Variants in LMO7 observed in about 807,000 individuals in gnomAD.
The protein encoded by LMO7 is LIM domain 7.
A neutral mutation model predicts 206.5 loss-of-function variants in LMO7; 120 were observed. That is an observed-to-expected ratio of 0.58 (90% CI 0.50 to 0.68). LMO7 has a LOEUF of 0.68. Ranked by LOEUF, LMO7 falls within the 30% of genes least tolerant of loss-of-function variation. LMO7 has a pLI of 0.00. For synonymous variants in LMO7, 706 were observed against 681.5 expected (o/e 1.04, Z -0.56); for missense variants, 1,959 against 1,957.9 (o/e 1.00, Z -0.01).
At chr13:75,635,028 C>CAAAAAAAAAA (rs984451343), upstream of LMO7, among the ~76,000 whole-genome samples, 33 of 135,688 alleles carry the variant, frequency 2.4e-4, no homozygotes, top group African/African-American at 8.3e-4. Flanking sequence ...CAAAACAAAA[C>CAAAAAAAAAA]AAAACAAAAC....
chr13:75,788,586 G>A (rs1346392783), intron 4 of LMO7, among the ~76,000 whole-genome samples: 1 of 151,984 alleles, frequency 6.6e-6, no homozygotes, highest in Non-Finnish European at 1.5e-5. Context: ...TAAACCAGAT[G>A]CAGTCCATAT....
At chr13:75,716,390 A>C (rs866069019) in intron 2 of LMO7, among the ~76,000 whole-genome samples, 3 of 152,136 alleles carry the variant, frequency 2.0e-5, no homozygotes, top group Admixed American at 2.0e-4. Flanking sequence ...CTGATTGACT[A>C]TTGAAATTAG....
Position 75,636,460 on chromosome 13 carries a change from C to T in LMO7, c.-198C>T. On this transcript the variant is annotated 5_prime_UTR_variant, in exon 1 of 31. The change creates a new upstream start codon in the 5' untranslated region. Coordinates refer to ENST00000377534, the MANE Select transcript of LMO7 (RefSeq NM_001306080.2). The stretch of plus-strand genomic sequence containing the variant: ...GAGTTTAGAGAAAGCCAGGTCTTCA[C>T]GTTCGTGTAGGTTCGAGACCTTAAC... 7.0e-7 allele frequency: 1 copy of T among 1,423,932 alleles called. No individual in the cohort carries two copies. The highest frequency in any genetic ancestry group is 9.1e-7 in the Non-Finnish European group (1 of 1,095,668). The allele number at this position is 1,423,932 out of a possible 1,614,324, so 88.2% of individuals were successfully genotyped here.
At chr13:75,710,059 C>A (rs2042965634) in intron 1 of LMO7, among the ~76,000 whole-genome samples, 1 of 152,126 alleles carries the variant, frequency 6.6e-6, no homozygotes, top group South Asian at 2.1e-4. Flanking sequence ...ATAGGGAATC[C>A]TTTCCTCATT....
intron 3 of LMO7, among the ~76,000 whole-genome samples, chr13:75,736,308 AT>A (rs2045815843): frequency 6.6e-6 from 1 of 152,240 alleles, no homozygotes; most frequent in South Asian, 2.1e-4. Flanking sequence ...GCTAAGCCCA[AT>A]TGGTTTAAAG....
chr13:75,683,436 T>C (rs2040721218), intron 1 of LMO7, among the ~76,000 whole-genome samples: 1 of 152,236 alleles, frequency 6.6e-6, no homozygotes, highest in South Asian at 2.1e-4. Flanking sequence ...TTGGTTTGCA[T>C]ATAGAAGTCC....
chr13:75,675,616 A>G (rs1231675389), intron 1 of LMO7, among the ~76,000 whole-genome samples: 2 of 152,144 alleles, frequency 1.3e-5, no homozygotes, highest in Non-Finnish European at 2.9e-5. Context: ...CTCCTGTGGT[A>G]TTGGTGGAAT....
chr13:75,828,975 C>T (rs905255435), intron 15 of LMO7, among the ~76,000 whole-genome samples: 3 of 152,100 alleles, frequency 2.0e-5, no homozygotes, highest in Admixed American at 6.6e-5. Flanking sequence ...GTGTTTCTAA[C>T]GTGGGCACCT....
At chr13:75,646,509 C>A (rs1172887210) in intron 1 of LMO7, among the ~76,000 whole-genome samples, 2 of 152,166 alleles carry the variant, frequency 1.3e-5, no homozygotes, top group African/African-American at 2.4e-5. Flanking sequence ...TCATCTCCAC[C>A]CCCACTCTTC....
intron 5 of LMO7, 34 bp downstream of exon 5, chr13:75,795,465 G>T: frequency 6.7e-7 from 1 of 1,499,640 alleles, no homozygotes; most frequent in African/African-American, 1.4e-5. Flanking sequence ...AGCATTATAA[G>T]TGGCTTTCAC....
At chr13:75,751,706 A>C (rs554508996) in intron 3 of LMO7, among the ~76,000 whole-genome samples, 2 of 152,198 alleles carry the variant, frequency 1.3e-5, no homozygotes, top group Non-Finnish European at 2.9e-5. Context: ...CCTTTTATTA[A>C]CCTTGTCTCT....
In LMO7 at chr13:75,636,710, C is replaced by A; in HGVS notation, c.53C>A (p.Ala18Asp). The A allele has an allele frequency of 6.2e-7, 1 of 1,609,438 alleles. No homozygotes were observed. Among genetic ancestry groups the A allele is most frequent in the Non-Finnish European group, 8.5e-7 (1 of 1,178,626 alleles). ...EANCSVAFAE[A>D]QRWVEAVTEK... ...AACTGCTCCGTGGCGTTCGCTGAGG[C>A]TCAGAGATGGGTGGAGGTGAGTGCC... is the stretch of plus-strand genomic sequence containing the variant. Residue 18 changes from alanine to aspartate, a missense_variant, in exon 1 of 31, where the codon GCT becomes GAT. Ala to Asp is a moderately radical substitution (Grantham distance 126, BLOSUM62 -2). Coordinates refer to ENST00000377534, the MANE Select transcript of LMO7 (RefSeq NM_001306080.2).
rs551791927 is a variant in LMO7 at position 75,669,679 on chromosome 13, A to G, written c.69+32953A>G. On this transcript the variant is annotated intron_variant, in intron 1 of 30. Coordinates refer to ENST00000377534, the MANE Select transcript of LMO7 (RefSeq NM_001306080.2). ...TGTACTGAGTTGTTTTAGTTGGTGA[A>G]AGCTGCTCTGTTGTAAATTCTAGAG... is the stretch of plus-strand genomic sequence containing the variant. Among the ~76,000 whole-genome samples, 174 of 152,246 alleles carry G rather than the reference A, an allele frequency of 1.1e-3. 1 individual carries two copies. Among genetic ancestry groups the G allele is most frequent in the Non-Finnish European group, 2.2e-3 (149 of 68,018 alleles).
intron 3 of LMO7, among the ~76,000 whole-genome samples, chr13:75,759,621 G>T (rs899807974): frequency 2.6e-5 from 4 of 152,036 alleles, no homozygotes; most frequent in Non-Finnish European, 4.4e-5. Flanking sequence ...TAGGTAGTTC[G>T]CACTGCCTTT....
At chr13:75,814,177 C>G in intron 11 of LMO7, among the ~76,000 whole-genome samples, 1 of 152,176 alleles carries the variant, frequency 6.6e-6, no homozygotes, top group East Asian at 1.9e-4. Flanking sequence ...ATAAAACTTT[C>G]TTCATAGAAC....
chr13:75,725,897 A>T (rs1039625950), intron 2 of LMO7, among the ~76,000 whole-genome samples: 1 of 152,036 alleles, frequency 6.6e-6, no homozygotes, highest in Non-Finnish European at 1.5e-5. Context: ...TTATTAAATC[A>T]AGACTTTTGT....
chr13:75,781,131 T>C (rs2051334601), intron 4 of LMO7, among the ~76,000 whole-genome samples: 1 of 146,570 alleles, frequency 6.8e-6, no homozygotes, highest in Non-Finnish European at 1.5e-5. Flanking sequence ...CTTTTTTTTT[T>C]CTTTTATTAT....
chr13:75,833,535 A>AT (rs542637701), intron 16 of LMO7, among the ~76,000 whole-genome samples: 7 of 151,900 alleles, frequency 4.6e-5, no homozygotes, highest in East Asian at 1.9e-4. Flanking sequence ...TAATAAGTTG[A>AT]TTTTTTTTGA....
Position 75,851,559 on chromosome 13 carries a change from T to C in LMO7, c.4365-1533T>C, listed in dbSNP as rs574436612. ...TTATGATAATGTATCACTTTTATAA[T>C]GTTAAAATTTAAAAGAAAAATTTCA... On this transcript the variant is annotated intron_variant, in intron 27 of 30. Coordinates refer to ENST00000377534, the MANE Select transcript of LMO7 (RefSeq NM_001306080.2). Among the ~76,000 whole-genome samples the C allele has an allele frequency of 2.6e-5, 4 of 152,302 alleles. No homozygotes were observed. In the South Asian group the frequency reaches 8.3e-4, roughly 32 times the overall value.
Sources: allele counts gnomAD v4.1 joint callset (sites outside exome capture counted in the v4.1 genomes callset), GRCh38; gene constraint gnomAD v4.1.1; transcripts MANE v1.5; gene names NCBI Gene and HGNC (gene_info 2026-07-23, HGNC 2026-07-21).